The following CREB5 variants were observed in gnomAD, a reference collection of about 807,000 sequenced individuals.
The protein encoded by CREB5 is cAMP responsive element binding protein 5.
Under a neutral mutation model 57.1 loss-of-function variants are expected in CREB5, and 19 were observed. The observed-to-expected ratio is 0.33, with a 90% CI of 0.23 to 0.49. The LOEUF is 0.49. CREB5 is among the 20% of genes least tolerant of loss of function. CREB5 has a pLI of 0.99. For synonymous variants in CREB5, 238 were observed against 238.3 expected, an observed-to-expected ratio of 1.00 and a Z score of 0.01; for missense variants, 579 against 671.6, an observed-to-expected ratio of 0.86 and a Z score of 1.52.
chr7:28,602,245 G>T (rs1054981996), intron 5 of CREB5, among the ~76,000 whole-genome samples: 1 of 152,076 alleles, frequency 6.6e-6, no homozygotes, highest in Non-Finnish European at 1.5e-5. Flanking sequence ...TCCTGCCTCA[G>T]CTTCCCAAGT....
intron 1 of CREB5, among the ~76,000 whole-genome samples, chr7:28,326,171 AT>A: frequency 6.8e-6 from 1 of 147,386 alleles, no homozygotes; most frequent in South Asian, 2.3e-4. Flanking sequence ...CTATCTATCT[AT>A]CTATCTATCT....
intron 5 of CREB5, among the ~76,000 whole-genome samples, chr7:28,692,203 C>T (rs1021634535): frequency 3.4e-5 from 5 of 145,644 alleles, no homozygotes; most frequent in Non-Finnish European, 7.5e-5. Context: ...AAAAAAGCAG[C>T]AGCTGTGGAA....
intron 7 of CREB5, among the ~76,000 whole-genome samples, chr7:28,761,056 C>G (rs190562346): frequency 3.3e-5 from 5 of 152,248 alleles, no homozygotes; most frequent in African/African-American, 1.2e-4. Context: ...CTCCGGCTAT[C>G]CACACATTTA....
intron 5 of CREB5, among the ~76,000 whole-genome samples, chr7:28,648,284 A>T (rs1024637356): frequency 6.6e-6 from 1 of 152,196 alleles, no homozygotes; most frequent in African/African-American, 2.4e-5. Context: ...TTCTCTTGAT[A>T]GTCTTTTATT....
chr7:28,351,895 T>C (rs1174637452), intron 1 of CREB5, among the ~76,000 whole-genome samples: 1 of 152,186 alleles, frequency 6.6e-6, no homozygotes, highest in Non-Finnish European at 1.5e-5. Flanking sequence ...AAGGGACAAA[T>C]GTAAATTAAC....
At chr7:28,547,579 A>G (rs1339983935) in intron 4 of CREB5, among the ~76,000 whole-genome samples, 1 of 152,182 alleles carries the variant, frequency 6.6e-6, no homozygotes, top group Admixed American at 6.5e-5. Context: ...TTCAAAGTCT[A>G]CTGGTTTAAA....
At chr7:28,551,466 TATTCTC>T (rs1431948595) in intron 4 of CREB5, among the ~76,000 whole-genome samples, 3 of 152,222 alleles carry the variant, frequency 2.0e-5, no homozygotes, top group Non-Finnish European at 2.9e-5. Flanking sequence ...CCCGGGTTCA[TATTCTC>T]AGCCAACTGG....
intron 4 of CREB5, among the ~76,000 whole-genome samples, chr7:28,559,424 C>T (rs1794994333): frequency 6.6e-6 from 1 of 152,176 alleles, no homozygotes; most frequent in Admixed American, 6.5e-5. Flanking sequence ...AAGCGATTCT[C>T]CTGCCTCAGC....
intron 5 of CREB5, among the ~76,000 whole-genome samples, chr7:28,582,917 A>C (rs1258920884): frequency 6.6e-6 from 1 of 152,206 alleles, no homozygotes; most frequent in Non-Finnish European, 1.5e-5. Flanking sequence ...AAAATTAAAT[A>C]AGTAAATAGC....
chr7:28,762,632 A>G (rs1015048681), intron 7 of CREB5, among the ~76,000 whole-genome samples: 1 of 152,144 alleles, frequency 6.6e-6, no homozygotes, highest in African/African-American at 2.4e-5. Flanking sequence ...CCCAACACAA[A>G]AGAAAACAAA....
chr7:28,715,771 C>T (rs1031893865), intron 5 of CREB5, among the ~76,000 whole-genome samples: 1 of 152,108 alleles, frequency 6.6e-6, no homozygotes, highest in Non-Finnish European at 1.5e-5. Flanking sequence ...AGAACAATAA[C>T]CTCAAAATTA....
At chr7:28,386,295 A>G (rs1787102240) in intron 1 of CREB5, among the ~76,000 whole-genome samples, 2 of 152,134 alleles carry the variant, frequency 1.3e-5, no homozygotes, top group African/African-American at 4.8e-5. Flanking sequence ...ACCCTAATAC[A>G]TTTTCTCTAT....
intron 5 of CREB5, among the ~76,000 whole-genome samples, chr7:28,677,274 C>G (rs1166687511): frequency 2.0e-5 from 3 of 152,156 alleles, no homozygotes; most frequent in African/African-American, 7.2e-5. Context: ...TCACTAGCAT[C>G]AAAATCTCTG....
At chr7:28,583,058 G>C (rs984531935) in intron 5 of CREB5, among the ~76,000 whole-genome samples, 2 of 151,610 alleles carry the variant, frequency 1.3e-5, no homozygotes, top group Admixed American at 6.6e-5. Context: ...CAAGCATGAG[G>C]GGTGTGGAGA....
intron 5 of CREB5, among the ~76,000 whole-genome samples, chr7:28,611,365 G>A (rs1023179272): frequency 1.3e-5 from 2 of 151,342 alleles, no homozygotes; most frequent in African/African-American, 4.9e-5. Flanking sequence ...CATATGCCAG[G>A]TAGAGGCCGG....
chr7:28,763,813 T>A (rs79928552), intron 7 of CREB5, among the ~76,000 whole-genome samples: 463 of 129,014 alleles, frequency 3.6e-3, no homozygotes, highest in Middle Eastern at 0.012. Flanking sequence ...TATTATTATT[T>A]TTTTTTGAGA....
At chr7:28,701,055 A>G (rs1234263809) in intron 5 of CREB5, among the ~76,000 whole-genome samples, 1 of 152,158 alleles carries the variant, frequency 6.6e-6, no homozygotes, top group African/African-American at 2.4e-5. Flanking sequence ...CACCTGCCCA[A>G]CTTGAGAGAA....
chr7:28,369,873 C>A (rs920689477), intron 1 of CREB5, among the ~76,000 whole-genome samples: 1 of 152,150 alleles, frequency 6.6e-6, no homozygotes, highest in Non-Finnish European at 1.5e-5. Flanking sequence ...CTCCTAGGAG[C>A]AATGCTTCAA....
At chr7:28,326,181 C>A (rs555541842) in intron 1 of CREB5, among the ~76,000 whole-genome samples, 1 of 150,194 alleles carries the variant, frequency 6.7e-6, no homozygotes, top group African/African-American at 2.4e-5. Context: ...ATCTATCTAT[C>A]TATCTATCTA....
Sources: gnomAD v4.1 joint callset for allele counts (sites outside exome capture counted in the v4.1 genomes callset) on GRCh38, gnomAD v4.1.1 for gene constraint, MANE v1.5 for transcripts, NCBI Gene and HGNC (gene_info 2026-07-23, HGNC 2026-07-21) for gene names.